Variants in LINC00632 observed in about 807,000 individuals in gnomAD.
LINC00632 encodes the protein long independently transcribed non-coding RNA 632.
At chrX:140,720,749 C>G (rs890050720) in intron 2 of LINC00632, among the ~76,000 whole-genome samples, 1 of 111,902 alleles carries the variant, frequency 8.9e-6, no homozygotes, top group African/African-American at 3.3e-5. Flanking sequence ...AATACATGGA[C>G]GTGTCCCATC....
At chrX:140,758,230 A>G (rs1345294819) in intron 3 of LINC00632, among the ~76,000 whole-genome samples, 1 of 111,445 alleles carries the variant, frequency 9.0e-6, no homozygotes, top group East Asian at 2.8e-4. Context: ...AAAATTATCA[A>G]TTATTTTATT....
At chrX:140,783,764 AAT>A (rs891593916) in exon 5 of LINC00632, 3 of 1,208,312 alleles carry the variant, frequency 2.5e-6, no homozygotes, top group African/African-American at 1.8e-5. Flanking sequence ...TCTTCCAGCC[AAT>A]ATATGTCTTC....
At chrX:140,746,377 C>A (rs1278712634) in intron 3 of LINC00632, among the ~76,000 whole-genome samples, 1 of 112,108 alleles carries the variant, frequency 8.9e-6, no homozygotes, top group Admixed American at 9.5e-5. Context: ...TCTCCCCTTT[C>A]CCCGTTCCTC....
chrX:140,765,728 G>A (rs1016985497), intron 3 of LINC00632, among the ~76,000 whole-genome samples: 2 of 48,784 alleles, frequency 4.1e-5, no homozygotes, highest in Non-Finnish European at 7.3e-5. Context: ...GGCTAAAAGG[G>A]GTTTTCAATT....
exon 5 of LINC00632, among the ~76,000 whole-genome samples, chrX:140,774,484 G>C (rs900082071): frequency 2.7e-5 from 3 of 111,724 alleles, no homozygotes; most frequent in Non-Finnish European, 5.6e-5. Context: ...GCCGCACACA[G>C]ATAGTTAAAC....
At chrX:140,755,249 T>C (rs764713126) in intron 3 of LINC00632, among the ~76,000 whole-genome samples, 2 of 112,094 alleles carry the variant, frequency 1.8e-5, no homozygotes, top group East Asian at 2.8e-4. Context: ...GGTGGTAATA[T>C]CTTGGCAAGG....
chrX:140,756,575 G>A (rs1239471506), intron 3 of LINC00632, among the ~76,000 whole-genome samples: 2 of 111,898 alleles, frequency 1.8e-5, no homozygotes, highest in African/African-American at 6.5e-5. Flanking sequence ...CCAGAGTAAG[G>A]AGGCTGGATG....
At chrX:140,713,875 A>C in intron 2 of LINC00632, 1 of 290,359 alleles carries the variant, frequency 3.4e-6, no homozygotes, top group Non-Finnish European at 6.7e-6. Flanking sequence ...AGACAATCCC[A>C]ACATCACACA....
intron 3 of LINC00632, among the ~76,000 whole-genome samples, chrX:140,753,768 CT>C (rs752596283): frequency 6.2e-3 from 306 of 49,704 alleles, no homozygotes; most frequent in African/African-American, 0.025. Context: ...TTCTTTCTTT[CT>C]TTTTTTTTTT....
chrX:140,714,406 C>T (rs1930580052), intron 2 of LINC00632: 1 of 114,753 alleles, frequency 8.7e-6, no homozygotes, highest in African/African-American at 3.3e-5. Context: ...ACCACAGAGA[C>T]ATGCAACGGT....
chrX:140,747,778 A>G (rs1735737679), intron 3 of LINC00632, among the ~76,000 whole-genome samples: 1 of 110,914 alleles, frequency 9.0e-6, no homozygotes, highest in Admixed American at 9.6e-5. Flanking sequence ...TGGTGCCTTG[A>G]CCTATTTGGC....
intron 3 of LINC00632, among the ~76,000 whole-genome samples, chrX:140,747,230 A>G (rs1022295740): frequency 2.7e-5 from 3 of 111,924 alleles, no homozygotes; most frequent in African/African-American, 9.7e-5. Context: ...GAACTGATGA[A>G]TAAAGAATTA....
exon 5 of LINC00632, among the ~76,000 whole-genome samples, chrX:140,778,344 C>T (rs1329712585): frequency 1.8e-5 from 2 of 111,712 alleles, no homozygotes; most frequent in East Asian, 2.8e-4. Flanking sequence ...TGGTGGCTCA[C>T]GCCTGTAATC....
intron 2 of LINC00632, among the ~76,000 whole-genome samples, chrX:140,731,988 G>T (rs1488543931): frequency 9.0e-6 from 1 of 111,070 alleles, no homozygotes. Context: ...TGGATCACCC[G>T]AGGTCAGGAG....
intron 2 of LINC00632, among the ~76,000 whole-genome samples, chrX:140,718,740 G>A (rs1024401832): frequency 6.3e-5 from 7 of 111,804 alleles, no homozygotes; most frequent in African/African-American, 2.3e-4. Context: ...ACGCCTAGAA[G>A]CATCTATCAT....
chrX:140,723,440 TAC>T (rs1294940051), intron 2 of LINC00632, among the ~76,000 whole-genome samples: 230 of 1,318 alleles, frequency 0.17, 5 homozygotes, highest in African/African-American at 0.3. Flanking sequence ...ATTCCATACA[TAC>T]ACACACATTC....
chrX:140,784,477 C>T, exon 5 of LINC00632: 1 of 891,532 alleles, frequency 1.1e-6, no homozygotes, highest in Non-Finnish European at 1.6e-6. Context: ...ATCTCCAGGG[C>T]TTCCAGCATC....
At chrX:140,712,574 G>A (rs928190112) in intron 2 of LINC00632, among the ~76,000 whole-genome samples, 1 of 109,925 alleles carries the variant, frequency 9.1e-6, no homozygotes, top group Non-Finnish European at 1.9e-5. Context: ...CTCATGTAGG[G>A]ATTTAAAGGA....
intron 3 of LINC00632, among the ~76,000 whole-genome samples, chrX:140,743,593 A>G (rs1019711585): frequency 5.4e-5 from 6 of 111,773 alleles, no homozygotes; most frequent in Non-Finnish European, 1.1e-4. Context: ...CTTCCCAACT[A>G]ATGATACAGT....
Sources: allele counts gnomAD v4.1 joint callset (sites outside exome capture counted in the v4.1 genomes callset), GRCh38; gene constraint gnomAD v4.1.1; transcripts MANE v1.5; gene names NCBI Gene and HGNC (gene_info 2026-07-23, HGNC 2026-07-21).